The following ATP23 variants were observed in gnomAD, a reference collection of about 807,000 sequenced individuals.
ATP23 encodes mitochondrial inner membrane protease ATP23 homolog.
A neutral mutation model predicts 28.5 loss-of-function variants in ATP23; 24 were observed. The observed-to-expected ratio is 0.84, with a 90% confidence interval of 0.61 to 1.18. ATP23 has a LOEUF of 1.18. Ranked by LOEUF, ATP23 falls within the 50% of genes most tolerant of loss-of-function variation. ATP23 has a pLI of 0.00. For missense variants in ATP23, 274 were observed against 306.4 expected (o/e 0.89, Z 0.79); for synonymous variants, 99 against 108.6 (o/e 0.91, Z 0.55).
At chr12:57,951,000 A>G (rs917643484) in intron 3 of ATP23, among the ~76,000 whole-genome samples, 3 of 152,256 alleles carry the variant, frequency 2.0e-5, no homozygotes, top group Admixed American at 6.5e-5. Context: ...ATGAATGTAT[A>G]TAAATATCTG....
At chr12:57,949,067 C>T (rs1956791234) in intron 3 of ATP23, among the ~76,000 whole-genome samples, 1 of 152,166 alleles carries the variant, frequency 6.6e-6, no homozygotes, top group Non-Finnish European at 1.5e-5. Context: ...ATAGTTTACT[C>T]TAATATTGAT....
chr12:57,941,730 G>T lies in ATP23; in HGVS notation c.29G>T (p.Arg10Leu). 6.3e-7 allele frequency: 1 copy of T among 1,597,268 alleles called. No homozygotes were observed. The highest frequency in any genetic ancestry group is 1.1e-5 in the South Asian group (1 of 89,174). ...GCGGGAGCTCCGGACGAGCGCCGGC[G>T]GGGCCCCGCGGCAGGGGAGCAGCTG... MAGAPDERR[R>L]GPAAGEQLQQ... Residue 10 changes from arginine (R) to leucine (L), a missense_variant, in exon 1 of 6, where the codon CGG becomes CTG. Transcript: ENST00000300145.
chr12:57,949,266 CT>C (rs1192745347), intron 3 of ATP23, among the ~76,000 whole-genome samples: 3 of 152,170 alleles, frequency 2.0e-5, no homozygotes, highest in African/African-American at 7.2e-5. Flanking sequence ...ATACAGCACT[CT>C]TCTGGTTGCT....
At chr12:57,954,562 G>C (rs537341773) in intron 5 of ATP23, among the ~76,000 whole-genome samples, 1 of 152,190 alleles carries the variant, frequency 6.6e-6, no homozygotes, top group East Asian at 1.9e-4. Context: ...TGGTAGAAAG[G>C]CTTTGAGATC....
At position 57,951,881 on chromosome 12, in the gene ATP23, T is replaced by A; in HGVS notation, c.439T>A (p.Leu147Met). Residue 147 changes from leucine to methionine, a missense_variant, in exon 4 of 6, where the codon TTG (leucine) becomes ATG (methionine). Coordinates refer to ENST00000300145, the MANE Select transcript of ATP23 (RefSeq NM_033276.4). ...CGACTGGTTCACCAACATCAGACAT[T>A]TGGCGTGCTCAGAGGTGAGTTTTAT... ...HVDWFTNIRH[L>M]ACSEVRAANL... 2 of 1,614,186 alleles carry A rather than the reference T, an allele frequency of 1.2e-6. No individual in the cohort carries two copies. Among genetic ancestry groups the A allele is most frequent in the Non-Finnish European group, 1.7e-6 (2 of 1,180,026 alleles).
rs181118426 is a variant in ATP23 at position 57,956,696 on chromosome 12, C to T, written c.547C>T (p.Arg183Ter). Reference protein sequence around the residue: ...GLKQHHQTCVRDRATLSILAV... With the variant: ...GLKQHHQTCV Reference sequence around the variant, plus strand: ...TTTTCCTTCTTTTTAGACTTGTGTGCGAGACAGAGCCACTCTTTCTATCCT... The same window carrying T: ...TTTTCCTTCTTTTTAGACTTGTGTGTGAGACAGAGCCACTCTTTCTATCCT... Residue 183 changes from arginine to a stop codon, truncating the protein, a stop_gained, in exon 6 of 6, where the codon CGA (arginine) becomes TGA (stop). Coordinates refer to ENST00000300145, the MANE Select transcript of ATP23 (RefSeq NM_033276.4). LOFTEE classifies it high-confidence loss of function. 46 of 1,605,380 alleles carry T rather than the reference C, an allele frequency of 2.9e-5. No individual in the cohort carries two copies. Among genetic ancestry groups the T allele is most frequent in the African/African-American group, 8.0e-5 (6 of 74,600 alleles).
At chr12:57,942,077 T>C (rs1389643673) in intron 1 of ATP23, among the ~76,000 whole-genome samples, 189 bp downstream of exon 1, 5 of 152,214 alleles carry the variant, frequency 3.3e-5, no homozygotes, top group Non-Finnish European at 7.3e-5. Flanking sequence ...GCTGAGACCC[T>C]TTTCGTCGCT....
chr12:57,945,589 A>G, intron 1 of ATP23, 39 bp from the exon 2 acceptor site: 1 of 1,546,006 alleles, frequency 6.5e-7, no homozygotes, highest in Non-Finnish European at 8.9e-7. Flanking sequence ...AATTGGTGCT[A>G]CTTTTCCAAT....
chr12:57,946,907 A>G (rs990467946), intron 2 of ATP23, 88 bp from the exon 3 acceptor site: 1 of 1,045,894 alleles, frequency 9.6e-7, no homozygotes, highest in Non-Finnish European at 1.4e-6. Context: ...GATTTACTAT[A>G]TGGTGGAGGG....
At chr12:57,941,988 C>T in intron 1 of ATP23, 100 bp downstream of exon 1, 3 of 1,446,924 alleles carry the variant, frequency 2.1e-6, no homozygotes, top group Non-Finnish European at 2.8e-6. Flanking sequence ...GCTTCAGGTT[C>T]AGCACAGAGT....
At position 57,952,431 on chromosome 12, in the gene ATP23, C is replaced by G. The variant is rs560733656; in HGVS notation, c.453+536C>G. ...TTTAACTAGCTTGCCCAGCTGCCTTCCATAGAGCTCCTTGCTTGCCCTAGA... is the reference window on the plus strand; with the variant it reads ...TTTAACTAGCTTGCCCAGCTGCCTTGCATAGAGCTCCTTGCTTGCCCTAGA... On this transcript the variant is annotated intron_variant, in intron 4 of 5. Transcript: ENST00000300145. 3.3e-5 allele frequency among the ~76,000 whole-genome samples: 5 copies of G among 152,276 alleles called. No individual in the cohort carries two copies. In the East Asian group the frequency reaches 7.7e-4, roughly 24 times the overall value.
At chr12:57,954,918 AC>A (rs1392376151) in intron 5 of ATP23, among the ~76,000 whole-genome samples, 133 of 152,158 alleles carry the variant, frequency 8.7e-4, no homozygotes, top group Non-Finnish European at 1.6e-3. Flanking sequence ...AAGGGTGATT[AC>A]TCTAGACAGT....
chr12:57,955,659 C>T (rs950449241), intron 5 of ATP23, among the ~76,000 whole-genome samples: 1 of 152,076 alleles, frequency 6.6e-6, no homozygotes, highest in Non-Finnish European at 1.5e-5. Flanking sequence ...ACCTTTTTTC[C>T]CTGGAGGGGA....
chr12:57,942,283 C>A (rs7133278), intron 1 of ATP23, among the ~76,000 whole-genome samples: 71,834 of 152,016 alleles, frequency 0.47, 18,296 homozygotes, highest in East Asian at 0.77. Flanking sequence ...TAAGGCATAC[C>A]AAGGCTGTAA....
In ATP23 at chr12:57,958,893, T is replaced by G. The variant is rs1956892967; in HGVS notation, c.*2003T>G. Among the ~76,000 whole-genome samples the G allele has an allele frequency of 6.6e-6, 1 of 152,132 alleles. No homozygotes were observed. The highest frequency in any genetic ancestry group is 1.5e-5 in the Non-Finnish European group (1 of 68,040). ...TGGATTCAAACCAAGAAGAAATCCC[T>G]GATTTACCTGAAAAAGAATTCAGGA... is the stretch of plus-strand genomic sequence containing the variant. On this transcript the variant is annotated 3_prime_UTR_variant, in exon 6 of 6. Transcript: ENST00000300145.
At chr12:57,945,752 G>A in intron 2 of ATP23, 79 bp downstream of exon 2, 1 of 1,293,538 alleles carries the variant, frequency 7.7e-7, no homozygotes, top group South Asian at 1.2e-5. Flanking sequence ...TAAGAGAACT[G>A]CTTAAGATTT....
intron 5 of ATP23, among the ~76,000 whole-genome samples, chr12:57,955,996 C>T (rs1956862837): frequency 6.6e-6 from 1 of 152,050 alleles, no homozygotes; most frequent in South Asian, 2.1e-4. Context: ...TAAAAGCTCT[C>T]CAAGAATTGG....
In ATP23 at chr12:57,942,428, T is replaced by G. The variant is rs1018755366; in HGVS notation, c.187+540T>G. Reference sequence around the variant, plus strand: ...GTGTGTGTGTGCCCCTAAGTGCATTTTTTTTTTTTTTTTGAGACGGAGTCT... The same window carrying G: ...GTGTGTGTGTGCCCCTAAGTGCATTGTTTTTTTTTTTTTGAGACGGAGTCT... On this transcript the variant is annotated intron_variant, in intron 1 of 5. Coordinates refer to ENST00000300145, the MANE Select transcript of ATP23 (RefSeq NM_033276.4). 4.9e-4 allele frequency among the ~76,000 whole-genome samples: 74 copies of G among 150,230 alleles called. 1 individual carries two copies. The highest frequency in any genetic ancestry group is 1.8e-3 in the African/African-American group (71 of 40,506).
At chr12:57,944,737 T>C (rs1592273345) in intron 1 of ATP23, among the ~76,000 whole-genome samples, 2 of 152,374 alleles carry the variant, frequency 1.3e-5, no homozygotes, top group East Asian at 3.9e-4. Flanking sequence ...TAACTGAATC[T>C]AGTCCCACAT....
Sources: allele counts gnomAD v4.1 joint callset (sites outside exome capture counted in the v4.1 genomes callset), GRCh38; gene constraint gnomAD v4.1.1; transcripts MANE v1.5; gene names NCBI Gene and HGNC (gene_info 2026-07-23, HGNC 2026-07-21).